MELK: variants seen among roughly 807,000 people sequenced by gnomAD.
The protein encoded by MELK is maternal embryonic leucine zipper kinase.
MELK carries 81 observed loss-of-function variants against 85.0 expected under a neutral mutation model. The observed-to-expected ratio is 0.95, with a 90% CI of 0.80 to 1.15. The LOEUF (loss-of-function observed/expected upper bound fraction) is 1.15, where lower values mean the gene tolerates loss of function less well. MELK is among the 50% of genes most tolerant of loss of function. The probability of loss-of-function intolerance (pLI) is 0.00; values close to 1 mark genes in which losing one functional copy is unlikely to be tolerated. For synonymous variants in MELK, 252 were observed against 265.0 expected, an observed-to-expected ratio of 0.95 and a Z score of 0.48; for missense variants, 754 against 777.5, an observed-to-expected ratio of 0.97 and a Z score of 0.36.
At chr9:36,630,222 C>T (rs2136460678) in intron 8 of MELK, 77 bp from the exon 9 acceptor site, 2 of 1,049,568 alleles carry the variant, frequency 1.9e-6, no homozygotes, top group South Asian at 1.3e-5. Context: ...AAAAGTAAAC[C>T]TCCAGCATGT....
intron 14 of MELK, among the ~76,000 whole-genome samples, chr9:36,668,573 C>T (rs776074012): frequency 1.7e-4 from 25 of 149,290 alleles, no homozygotes; most frequent in Non-Finnish European, 2.8e-4. Flanking sequence ...AGTGCAATGG[C>T]GCGATCTCGG....
chr9:36,583,610 T>C lies in MELK; in HGVS notation c.59-17T>C. On this transcript the variant is annotated splice_polypyrimidine_tract_variant and intron_variant, in intron 2 of 17. Transcript: ENST00000298048. ...TGAGTCCTTGCTTATGCTTTCATAA[T>C]ACATTTTCCTACTTAGGTGGCTTTG... 6.4e-7 allele frequency: 1 copy of C among 1,566,838 alleles called. No individual in the cohort carries two copies. Among genetic ancestry groups the C allele is most frequent in the Non-Finnish European group, 8.8e-7 (1 of 1,141,554 alleles).
chr9:36,665,340 T>C lies in MELK; in HGVS notation c.1177-10T>C, dbSNP rs763928515. ...TCAGTGTGCTTTATCTAGTAACTTT[T>C]TTTTTCCAGTTTACCAAGTACTGGA... On this transcript the variant is annotated splice_polypyrimidine_tract_variant and intron_variant, in intron 13 of 17. Transcript: ENST00000298048. The C allele has an allele frequency of 6.4e-7, 1 of 1,567,814 alleles. No individual in the cohort carries two copies. The highest frequency in any genetic ancestry group is 1.4e-5 in the African/African-American group (1 of 73,094).
chr9:36,597,024 G>C (rs1262392863), intron 5 of MELK, among the ~76,000 whole-genome samples, 198 bp from the exon 6 acceptor site: 1 of 151,948 alleles, frequency 6.6e-6, no homozygotes, highest in Admixed American at 6.6e-5. Flanking sequence ...TAAAAAGTGA[G>C]ACCAGGTCTT....
chr9:36,608,153 G>A (rs949070294), intron 8 of MELK, among the ~76,000 whole-genome samples: 1 of 151,730 alleles, frequency 6.6e-6, no homozygotes, highest in East Asian at 1.9e-4. Context: ...GGTGGCGGGT[G>A]CCTGTAGTCC....
Position 36,670,437 on chromosome 9 carries a change from A to G in MELK, c.1506-561A>G, listed in dbSNP as rs566649711. Among the ~76,000 whole-genome samples, 6 of 152,214 alleles carry G rather than the reference A, an allele frequency of 3.9e-5. No individual in the cohort carries two copies. In the South Asian group the frequency reaches 1.2e-3, roughly 32 times the overall value. ...TTTATGGAAGACAACATCCTTATTC[A>G]TTGGAGATGTATACTGAAGTGTTTC... On this transcript the variant is annotated intron_variant, in intron 15 of 17. Transcript: ENST00000298048.
At chr9:36,619,827 T>C (rs1827223961) in intron 8 of MELK, among the ~76,000 whole-genome samples, 1 of 152,230 alleles carries the variant, frequency 6.6e-6, no homozygotes, top group African/African-American at 2.4e-5. Flanking sequence ...TTTTCTCTAC[T>C]TCCTTGTTTC....
intron 6 of MELK, among the ~76,000 whole-genome samples, chr9:36,598,186 G>GTTT (rs76258907): frequency 1.5e-5 from 2 of 135,852 alleles, no homozygotes; most frequent in Non-Finnish European, 3.2e-5. Context: ...TAGAAGGCAG[G>GTTT]TTTTTTTTTT....
intron 1 of MELK, among the ~76,000 whole-genome samples, chr9:36,574,328 T>TG (rs1821405170): frequency 6.7e-6 from 1 of 150,166 alleles, no homozygotes; most frequent in Non-Finnish European, 1.5e-5. Flanking sequence ...CTCACGCTTG[T>TG]AATCCCAGCA....
intron 7 of MELK, among the ~76,000 whole-genome samples, chr9:36,605,001 T>G (rs927164601): frequency 1.3e-4 from 20 of 152,028 alleles, no homozygotes; most frequent in African/African-American, 4.6e-4. Context: ...CAGGCTGGAG[T>G]GCAATGGCCT....
chr9:36,591,120 G>A (rs934727265), intron 4 of MELK, among the ~76,000 whole-genome samples: 8 of 151,718 alleles, frequency 5.3e-5, no homozygotes, highest in African/African-American at 1.9e-4. Context: ...AAATTATAAC[G>A]TTGAATGTTT....
chr9:36,673,996 A>G (rs945398564), intron 16 of MELK, among the ~76,000 whole-genome samples: 1 of 152,202 alleles, frequency 6.6e-6, no homozygotes, highest in Non-Finnish European at 1.5e-5. Context: ...AGAAATTTGT[A>G]TCTCTTCTTT....
At chr9:36,606,660 T>C (rs1033577126) in intron 7 of MELK, 1 of 146,918 alleles carries the variant, frequency 6.8e-6, no homozygotes, top group Non-Finnish European at 1.5e-5. Context: ...CACATATGTA[T>C]ATGTATATAT....
intron 12 of MELK, among the ~76,000 whole-genome samples, chr9:36,655,313 G>A (rs759893994): frequency 1.3e-5 from 2 of 152,154 alleles, no homozygotes; most frequent in Non-Finnish European, 2.9e-5. Flanking sequence ...AACAGTCAAG[G>A]TTAGAAAGAT....
In MELK at chr9:36,677,275, A is replaced by C; in HGVS notation, c.1894A>C (p.Lys632Gln). 6.2e-7 allele frequency: 1 copy of C among 1,614,088 alleles called. No individual in the cohort carries two copies. Among genetic ancestry groups the C allele is most frequent in the Non-Finnish European group, 8.5e-7 (1 of 1,179,950 alleles). The part of the protein sequence containing the change: ...DVVGIRRQRL[K>Q]GDAWVYKRLV... The stretch of plus-strand genomic sequence containing the variant: ...GGTGGGTATCAGGAGGCAGCGGCTT[A>C]AGGGCGATGCCTGGGTTTACAAAAG... The change falls in exon 18 of 18, where the codon AAG (lysine) becomes CAG (glutamine). Residue 632 changes from lysine to glutamine, a missense_variant. Coordinates refer to ENST00000298048, the MANE Select transcript of MELK (RefSeq NM_014791.4).
intron 10 of MELK, among the ~76,000 whole-genome samples, chr9:36,636,335 T>C (rs1276904744): frequency 6.6e-6 from 1 of 151,748 alleles, no homozygotes; most frequent in Non-Finnish European, 1.5e-5. Flanking sequence ...GAAACCCGTT[T>C]CTAGTAAAAA....
At chr9:36,594,399 A>T (rs558056097) in intron 4 of MELK, among the ~76,000 whole-genome samples, 2 of 152,264 alleles carry the variant, frequency 1.3e-5, no homozygotes, top group East Asian at 3.9e-4. Flanking sequence ...TTTTACTTCT[A>T]CTTACTGGTA....
chr9:36,625,555 T>G (rs1388224351), intron 8 of MELK, among the ~76,000 whole-genome samples: 1 of 152,146 alleles, frequency 6.6e-6, no homozygotes, highest in African/African-American at 2.4e-5. Context: ...AGCCTTCAGA[T>G]TGGGGTCCAG....
intron 16 of MELK, among the ~76,000 whole-genome samples, chr9:36,671,792 C>T (rs918566449): frequency 6.6e-6 from 1 of 152,156 alleles, no homozygotes; most frequent in African/African-American, 2.4e-5. Context: ...TGGATTCTCT[C>T]TGAGCATTCA....
Sources: gnomAD v4.1 joint callset for allele counts (sites outside exome capture counted in the v4.1 genomes callset) on GRCh38, gnomAD v4.1.1 for gene constraint, MANE v1.5 for transcripts, NCBI Gene and HGNC (gene_info 2026-07-23, HGNC 2026-07-21) for gene names.